Variants in ADGRL3 observed in about 807,000 individuals in gnomAD.
ADGRL3 encodes the protein adhesion G protein-coupled receptor L3.
In ADGRL3, 62 loss-of-function variants were observed where a neutral mutation model predicts 153.5. The ratio of observed to expected loss-of-function variants is 0.40; its 90% CI spans 0.33 to 0.50. The LOEUF (loss-of-function observed/expected upper bound fraction) is 0.50. Ranked by LOEUF, ADGRL3 falls within the 20% of genes least tolerant of loss-of-function variation. The probability of loss-of-function intolerance (pLI) is 0.47; values close to 1 mark genes in which losing one functional copy is unlikely to be tolerated. For missense variants in ADGRL3, 1,641 were observed against 1,859.4 expected (o/e 0.88, Z 2.16); for synonymous variants, 710 against 672.5 (o/e 1.06, Z -0.86).
chr4:62,045,710 G>C (rs1730769773), intron 25 of ADGRL3, among the ~76,000 whole-genome samples: 1 of 151,718 alleles, frequency 6.6e-6, no homozygotes, highest in South Asian at 2.1e-4. Flanking sequence ...GTATTATTTG[G>C]GGCAACAATA....
At position 61,815,995 on chromosome 4, in the gene ADGRL3, G is replaced by C. The variant is rs151124036; in HGVS notation, c.1480+2106G>C. The stretch of plus-strand genomic sequence containing the variant: ...GCATCACAAACGGACTGAGATGGAT[G>C]CTTATGACATAATTGTTCATCATGA... On this transcript the variant is annotated intron_variant, in intron 9 of 26. Coordinates refer to ENST00000683033, the MANE Select transcript of ADGRL3 (RefSeq NM_001387552.1). Among the ~76,000 whole-genome samples, 62 of 152,302 alleles carry C rather than the reference G, an allele frequency of 4.1e-4. 1 individual carries two copies. The East Asian group carries it at 0.011, about 28-fold the overall frequency.
intron 17 of ADGRL3, among the ~76,000 whole-genome samples, chr4:61,970,856 A>G (rs902396254): frequency 2.0e-5 from 3 of 152,118 alleles, no homozygotes; most frequent in African/African-American, 7.2e-5. Context: ...CTTTCCCAAG[A>G]GCTTGTGAGG....
At chr4:61,964,801 G>A (rs2099000117) in intron 17 of ADGRL3, among the ~76,000 whole-genome samples, 1 of 151,714 alleles carries the variant, frequency 6.6e-6, no homozygotes, top group African/African-American at 2.4e-5. Context: ...ATTTATTCAT[G>A]CTTAAGAAAG....
chr4:61,781,537 T>G (rs1416327331), intron 8 of ADGRL3, among the ~76,000 whole-genome samples: 1 of 152,156 alleles, frequency 6.6e-6, no homozygotes, highest in Non-Finnish European at 1.5e-5. Context: ...TCTGAAGATC[T>G]TTGCTTGGTT....
chr4:61,661,726 T>C (rs2150581692), intron 5 of ADGRL3, among the ~76,000 whole-genome samples: 1 of 152,252 alleles, frequency 6.6e-6, no homozygotes, highest in East Asian at 1.9e-4. Flanking sequence ...AACATTGCAT[T>C]AGGCATTTGA....
intron 1 of ADGRL3, among the ~76,000 whole-genome samples, chr4:61,264,085 C>T (rs1342114838): frequency 1.3e-5 from 2 of 151,928 alleles, no homozygotes; most frequent in East Asian, 3.9e-4. Context: ...TTGAGAATTA[C>T]TGCGCCATAA....
At chr4:61,589,437 G>A (rs928162964) in intron 5 of ADGRL3, among the ~76,000 whole-genome samples, 1 of 152,044 alleles carries the variant, frequency 6.6e-6, no homozygotes, top group Non-Finnish European at 1.5e-5. Flanking sequence ...GCCAACCACA[G>A]CATGTTAAAT....
chr4:61,206,917 A>C (rs1168711083), intron 1 of ADGRL3, among the ~76,000 whole-genome samples: 1 of 152,022 alleles, frequency 6.6e-6, no homozygotes, highest in African/African-American at 2.4e-5. Context: ...CAGGAGGTAG[A>C]GGTTGCAGTG....
chr4:61,821,189 CA>C (rs34391051), intron 9 of ADGRL3, among the ~76,000 whole-genome samples: 8,633 of 107,694 alleles, frequency 0.08, 257 homozygotes, highest in African/African-American at 0.091. Context: ...TGCCAATTAC[CA>C]AAAAAAAAAA....
At chr4:61,929,573 A>G (rs1024217449) in intron 13 of ADGRL3, among the ~76,000 whole-genome samples, 3 of 152,186 alleles carry the variant, frequency 2.0e-5, no homozygotes, top group African/African-American at 7.2e-5. Context: ...CTTACATATG[A>G]GTTATCCTGC....
At chr4:61,871,935 T>C (rs139829887) in intron 9 of ADGRL3, among the ~76,000 whole-genome samples, 3 of 152,350 alleles carry the variant, frequency 2.0e-5, no homozygotes, top group African/African-American at 7.2e-5. Context: ...CCTGCCTTGA[T>C]AACTAATCTA....
At chr4:61,656,804 GC>G (rs952895972) in intron 5 of ADGRL3, among the ~76,000 whole-genome samples, 1 of 152,138 alleles carries the variant, frequency 6.6e-6, no homozygotes, top group Non-Finnish European at 1.5e-5. Flanking sequence ...CATCATGCTT[GC>G]TAGTTGACTA....
At chr4:61,359,472 A>C (rs1339820229) in intron 1 of ADGRL3, among the ~76,000 whole-genome samples, 3 of 152,078 alleles carry the variant, frequency 2.0e-5, no homozygotes, top group African/African-American at 4.8e-5. Flanking sequence ...GCAGCCGCCC[A>C]TTAGCCCCCT....
intron 5 of ADGRL3, among the ~76,000 whole-genome samples, chr4:61,635,516 G>A (rs1050605539): frequency 8.5e-5 from 13 of 152,064 alleles, no homozygotes; most frequent in African/African-American, 2.9e-4. Context: ...TCATGCATCC[G>A]AGGACAGCAC....
At chr4:61,553,606 T>C (rs2098750657) in intron 4 of ADGRL3, among the ~76,000 whole-genome samples, 1 of 152,202 alleles carries the variant, frequency 6.6e-6, no homozygotes, top group Admixed American at 6.5e-5. Flanking sequence ...CATCACAATA[T>C]AATAAGAGAA....
At chr4:61,269,365 T>C (rs985164387) in intron 1 of ADGRL3, among the ~76,000 whole-genome samples, 1 of 151,704 alleles carries the variant, frequency 6.6e-6, no homozygotes, top group Non-Finnish European at 1.5e-5. Context: ...GGTCTGATTT[T>C]GAGAAATTTA....
At chr4:61,603,173 C>T (rs2099018627) in intron 5 of ADGRL3, among the ~76,000 whole-genome samples, 1 of 152,108 alleles carries the variant, frequency 6.6e-6, no homozygotes, top group African/African-American at 2.4e-5. Context: ...AACAGTCACC[C>T]ACACAGTATT....
intron 4 of ADGRL3, among the ~76,000 whole-genome samples, chr4:61,553,322 A>C (rs2148844861): frequency 6.6e-6 from 1 of 152,338 alleles, no homozygotes; most frequent in Admixed American, 6.5e-5. Flanking sequence ...TAACTGAGAT[A>C]AAAAATAATC....
At chr4:61,668,378 C>T (rs2094875236) in intron 5 of ADGRL3, among the ~76,000 whole-genome samples, 1 of 152,200 alleles carries the variant, frequency 6.6e-6, no homozygotes, top group African/African-American at 2.4e-5. Context: ...TTTTGGTCTT[C>T]TGACCTTCAC....
Sources: allele counts gnomAD v4.1 joint callset (sites outside exome capture counted in the v4.1 genomes callset), GRCh38; gene constraint gnomAD v4.1.1; transcripts MANE v1.5; gene names NCBI Gene and HGNC (gene_info 2026-07-23, HGNC 2026-07-21).